Variants in NWD2 observed in about 807,000 individuals in gnomAD.
The protein encoded by NWD2 is NACHT and WD repeat domain containing 2.
NWD2 carries 37 observed loss-of-function variants against 132.7 expected under a neutral mutation model. The observed-to-expected ratio is 0.28, with a 90% confidence interval of 0.21 to 0.37. NWD2 has a LOEUF of 0.37. Among genes scored for constraint, NWD2 ranks in the 10% least tolerant of loss-of-function variants. NWD2 has a pLI of 1.00. For missense variants in NWD2, 1,592 were observed against 2,122.4 expected (o/e 0.75, Z 4.91); for synonymous variants, 705 against 803.0 (o/e 0.88, Z 2.06).
intron 3 of NWD2, among the ~76,000 whole-genome samples, chr4:37,392,003 C>T (rs568639402): frequency 1.1e-4 from 16 of 152,188 alleles, no homozygotes; most frequent in Admixed American, 5.2e-4. Flanking sequence ...GAGTTTGAGA[C>T]CAGCCTGGCC....
At chr4:37,347,523 A>G (rs1719660179) in intron 2 of NWD2, among the ~76,000 whole-genome samples, 1 of 152,060 alleles carries the variant, frequency 6.6e-6, no homozygotes, top group African/African-American at 2.4e-5. Context: ...GTTTATACCA[A>G]TTTAATAATG....
At chr4:37,338,991 A>G (rs536014433) in intron 2 of NWD2, among the ~76,000 whole-genome samples, 7 of 152,136 alleles carry the variant, frequency 4.6e-5, no homozygotes, top group Non-Finnish European at 8.8e-5. Context: ...TCCATTTTCT[A>G]TTAATCAAAT....
intron 3 of NWD2, among the ~76,000 whole-genome samples, chr4:37,369,068 A>C (rs1720161480): frequency 6.6e-6 from 1 of 152,164 alleles, no homozygotes; most frequent in South Asian, 2.1e-4. Flanking sequence ...GATGAGTCTA[A>C]GTCACCTTAG....
intron 3 of NWD2, among the ~76,000 whole-genome samples, chr4:37,414,336 TG>T (rs1721221925): frequency 6.6e-6 from 1 of 152,102 alleles, no homozygotes; most frequent in Non-Finnish European, 1.5e-5. Flanking sequence ...CTTTTGAGCA[TG>T]TATGAAAGTT....
chr4:37,294,800 A>G (rs1472737237), intron 1 of NWD2, among the ~76,000 whole-genome samples: 2 of 152,248 alleles, frequency 1.3e-5, no homozygotes, highest in African/African-American at 4.8e-5. Flanking sequence ...AACCAAATGT[A>G]TCTGAGACGA....
intron 1 of NWD2, among the ~76,000 whole-genome samples, chr4:37,277,423 C>T (rs1378995382): frequency 6.6e-6 from 1 of 152,032 alleles, no homozygotes; most frequent in African/African-American, 2.4e-5. Flanking sequence ...TGATGTCCCA[C>T]AGGTCCCTGA....
At chr4:37,274,250 T>C (rs2109264847) in intron 1 of NWD2, among the ~76,000 whole-genome samples, 1 of 151,922 alleles carries the variant, frequency 6.6e-6, no homozygotes, top group South Asian at 2.1e-4. Context: ...AAAGGAGATA[T>C]CACCACCGAT....
rs1712547213 is a variant in NWD2, at chr4:37,443,666, A to G, written c.1678A>G (p.Ile560Val). 3.9e-6 allele frequency: 6 copies of G among 1,552,134 alleles called. No individual in the cohort carries two copies. In the East Asian group the frequency reaches 1.5e-4, roughly 38 times the overall value. ...HGILQKLRCL[I>V]HEEDNYIELI... ...GATCTTGCAGAAACTAAGGTGCCTT[A>G]TCCATGAAGAAGACAACTACATCGA... The change falls in exon 7 of 7, where the codon ATC becomes GTC. Residue 560 changes from isoleucine to valine, a missense_variant. By Grantham distance (29) the Ile-to-Val change is conservative. This residue lies in a region of NWD2 where 1,071 missense variants were observed against 1,398.0 expected (regional missense o/e 0.77). Coordinates refer to ENST00000309447, the MANE Select transcript of NWD2 (RefSeq NM_001144990.2). This position sits in a 1 kb window ranked among gnomAD's most constrained non-coding sequence, Gnocchi z 4.1.
At chr4:37,332,256 T>C (rs1319840899) in intron 2 of NWD2, among the ~76,000 whole-genome samples, 1 of 151,950 alleles carries the variant, frequency 6.6e-6, no homozygotes, top group Non-Finnish European at 1.5e-5. Context: ...GCAGTGCAGC[T>C]CACGGCTCTG....
intron 3 of NWD2, among the ~76,000 whole-genome samples, chr4:37,381,350 A>G (rs1048538699): frequency 6.6e-6 from 1 of 152,216 alleles, no homozygotes; most frequent in African/African-American, 2.4e-5. Context: ...AGCTCCTCCA[A>G]ATAGAAACAC....
chr4:37,318,775 C>A (rs1719011003), intron 1 of NWD2, among the ~76,000 whole-genome samples: 1 of 151,912 alleles, frequency 6.6e-6, no homozygotes, highest in East Asian at 1.9e-4. Flanking sequence ...TGATGGCATC[C>A]AGCTGTATCC....
intron 1 of NWD2, among the ~76,000 whole-genome samples, chr4:37,318,259 C>T (rs1718998858): frequency 6.6e-6 from 1 of 151,910 alleles, no homozygotes; most frequent in African/African-American, 2.4e-5. Flanking sequence ...ACTCCTGACT[C>T]AGGCGATCCA....
intron 1 of NWD2, among the ~76,000 whole-genome samples, chr4:37,304,243 G>A (rs894104698): frequency 2.2e-4 from 33 of 152,160 alleles, no homozygotes; most frequent in African/African-American, 8.0e-4. Context: ...CATGAGAACA[G>A]CAAGGGGGAA....
chr4:37,285,738 G>GCTTC (rs1718219083), intron 1 of NWD2, among the ~76,000 whole-genome samples: 1 of 151,956 alleles, frequency 6.6e-6, no homozygotes, highest in Non-Finnish European at 1.5e-5. Flanking sequence ...ATATATTTTA[G>GCTTC]CTTCCTTCCA....
At chr4:37,394,799 G>GTTTTTTTTTTTTTTTTTTT (rs1175840735) in intron 3 of NWD2, among the ~76,000 whole-genome samples, 2 of 52,596 alleles carry the variant, frequency 3.8e-5, no homozygotes, top group Non-Finnish European at 6.4e-5. Context: ...AACCTTTATG[G>GTTTTTTTTTTTTTTTTTTT]TTTTTTTTTT....
At chr4:37,429,131 A>G (rs185596979) in intron 3 of NWD2, among the ~76,000 whole-genome samples, 7 of 152,292 alleles carry the variant, frequency 4.6e-5, no homozygotes, top group South Asian at 2.1e-4. Flanking sequence ...AAAATAATAA[A>G]CTTATTAAAT....
intron 3 of NWD2, among the ~76,000 whole-genome samples, chr4:37,398,715 A>T (rs1169254974): frequency 6.6e-6 from 1 of 152,202 alleles, no homozygotes; most frequent in South Asian, 2.1e-4. Flanking sequence ...TCGTGACTAA[A>T]CAGGGTTATA....
chr4:37,300,150 A>G (rs1718584842), intron 1 of NWD2, among the ~76,000 whole-genome samples: 1 of 152,152 alleles, frequency 6.6e-6, no homozygotes, highest in African/African-American at 2.4e-5. Context: ...TCATCGGACA[A>G]AACTAATTGT....
intron 3 of NWD2, among the ~76,000 whole-genome samples, chr4:37,371,598 CTTG>C (rs778095442): frequency 1.3e-5 from 2 of 152,270 alleles, no homozygotes; most frequent in East Asian, 3.9e-4. Flanking sequence ...AAGAGGCTTC[CTTG>C]TTCTTACTTC....
Sources: allele counts gnomAD v4.1 joint callset (sites outside exome capture counted in the v4.1 genomes callset), GRCh38; gene constraint gnomAD v4.1.1; regional missense constraint gnomAD v4.1.1; non-coding constraint Gnocchi (gnomAD v3.1); transcripts MANE v1.5; gene names NCBI Gene and HGNC (gene_info 2026-07-23, HGNC 2026-07-21).